ZNF562: variants seen among roughly 807,000 people sequenced by gnomAD.
ZNF562 encodes zinc finger protein 562.
In ZNF562, 13 loss-of-function variants were observed where a neutral mutation model predicts 17.5. That is an observed-to-expected ratio of 0.74 (90% CI 0.48 to 1.18). The LOEUF (loss-of-function observed/expected upper bound fraction) is 1.18, where lower values mean the gene tolerates loss of function less well. Among genes scored for constraint, ZNF562 ranks in the 50% most tolerant of loss-of-function variants. The pLI is 0.00. For missense variants in ZNF562, 481 were observed against 498.5 expected (o/e 0.96, Z 0.33); for synonymous variants, 163 against 165.4 (o/e 0.99, Z 0.11).
chr19:9,664,798 G>A (rs1341242338), intron 1 of ZNF562, among the ~76,000 whole-genome samples: 1 of 152,156 alleles, frequency 6.6e-6, no homozygotes, highest in African/African-American at 2.4e-5. Context: ...GGCCAAGGCG[G>A]GTGGATCATG....
At chr19:9,669,670 C>T (rs1397419149) in intron 1 of ZNF562, among the ~76,000 whole-genome samples, 1 of 149,832 alleles carries the variant, frequency 6.7e-6, no homozygotes, top group Non-Finnish European at 1.5e-5. Flanking sequence ...CATGCACGCA[C>T]AAAACCTGTC....
At position 9,645,875 on chromosome 19, in the gene ZNF562, CAT is replaced by C. The variant is rs1464902595; in HGVS notation, c.*7072_*7073del. The C allele has an allele frequency of 1.3e-5, 2 of 151,960 alleles. No homozygotes were observed. Among genetic ancestry groups the C allele is most frequent in the Non-Finnish European group, 2.9e-5 (2 of 67,984 alleles). 9.4% of individuals were successfully genotyped at this position (151,960 alleles called of 1,614,324 possible). On this transcript the variant is annotated 3_prime_UTR_variant, in exon 6 of 6. Transcript: ENST00000453372. The stretch of plus-strand genomic sequence containing the variant: ...TATTTATGGTAACAACGAAAAGTAA[CAT>C]ACAAATTTCAAACATCAAGAATAAA...
At chr19:9,673,736 T>C (rs1051612833) in intron 1 of ZNF562, among the ~76,000 whole-genome samples, 3 of 152,316 alleles carry the variant, frequency 2.0e-5, no homozygotes, top group South Asian at 2.1e-4. Flanking sequence ...TAAACAACTA[T>C]GTTTTTTCCA....
intron 1 of ZNF562, among the ~76,000 whole-genome samples, chr19:9,661,194 G>C (rs1405170234): frequency 1.3e-5 from 2 of 152,098 alleles, no homozygotes; most frequent in African/African-American, 4.8e-5. Context: ...CTGTTGCCCA[G>C]GTTTAAGTAC....
At position 9,660,821 on chromosome 19, in the gene ZNF562, T is replaced by C; in HGVS notation, c.-77A>G. 2 of 1,506,394 alleles carry C rather than the reference T, an allele frequency of 1.3e-6. No individual in the cohort carries two copies. The highest frequency in any genetic ancestry group is 1.8e-6 in the Non-Finnish European group (2 of 1,092,294). 93.3% of individuals were successfully genotyped at this position (1,506,394 alleles called of 1,614,324 possible). A position where few individuals can be genotyped will look rare whatever the true frequency, so the allele number is the denominator to read the frequency against. The stretch of plus-strand genomic sequence containing the variant: ...AGATCGCCTCAGGGCAGCTTATGAA[T>C]CTAGGTGGATACAGGCAATCTCCAT... On this transcript the variant is annotated 5_prime_UTR_variant, in exon 2 of 6. Transcript: ENST00000453372.
chr19:9,663,668 CT>C (rs1364552209), intron 1 of ZNF562, among the ~76,000 whole-genome samples: 4 of 151,366 alleles, frequency 2.6e-5, no homozygotes, highest in African/African-American at 7.3e-5. Flanking sequence ...AGCTATTGTT[CT>C]TTTTTTTCTT....
In ZNF562 at chr19:9,645,455, G is replaced by A. The variant is rs1049101532; in HGVS notation, c.*7494C>T. 1.1e-4 allele frequency: 17 copies of A among 152,110 alleles called. No individual in the cohort carries two copies. The highest frequency in any genetic ancestry group is 4.1e-4 in the African/African-American group (17 of 41,418). The allele number at this position is 152,110 out of a possible 1,614,324, so 9.4% of individuals were successfully genotyped here. On this transcript the variant is annotated 3_prime_UTR_variant, in exon 6 of 6. Coordinates refer to ENST00000453372, the MANE Select transcript of ZNF562 (RefSeq NM_001130031.2). The stretch of plus-strand genomic sequence containing the variant: ...GGGCAAAGGGGTATGTGTATCAGTT[G>A]GCCTTTACTGTGTAATAAACAGCCA...
chr19:9,670,732 T>C (rs920402916), intron 1 of ZNF562, among the ~76,000 whole-genome samples: 9 of 152,170 alleles, frequency 5.9e-5, no homozygotes, highest in African/African-American at 1.9e-4. Context: ...CTCATGCCTG[T>C]AATCCCAGCA....
At position 9,653,491 on chromosome 19, in the gene ZNF562, A is replaced by G. The variant is rs1266181190; in HGVS notation, c.739T>C (p.Leu247=). The G allele has an allele frequency of 2.5e-6, 4 of 1,614,072 alleles. No homozygotes were observed. The African/African-American group carries it at 5.3e-5, about 22-fold the overall frequency. ...CERAITTSSH[L]KQCVAVHTGK... ...GTATGAACTGCTACACACTGCTTTAAGTGTGAGGAAGTTGTGATGGCTCTC... is the reference window on the plus strand; with the variant it reads ...GTATGAACTGCTACACACTGCTTTAGGTGTGAGGAAGTTGTGATGGCTCTC... Residue 247 remains leucine (L), a synonymous_variant, in exon 6 of 6, where the codon TTA becomes CTA. Transcript: ENST00000453372.
chr19:9,665,818 C>G (rs183511372), intron 1 of ZNF562, among the ~76,000 whole-genome samples: 3 of 152,034 alleles, frequency 2.0e-5, no homozygotes, highest in Non-Finnish European at 2.9e-5. Flanking sequence ...AGTTCAAGAC[C>G]TGCCTGGGAA....
rs1375598542 is a variant in ZNF562 at position 9,659,467 on chromosome 19, C to A, written c.26G>T (p.Gly9Val). 6.4e-7 allele frequency: 1 copy of A among 1,550,712 alleles called. No homozygotes were observed. Among genetic ancestry groups the A allele is most frequent in the Admixed American group, 2.0e-5 (1 of 50,930 alleles). The change falls in exon 3 of 6, where the codon GGG (glycine) becomes GTG (valine). Residue 9 changes from glycine to valine, a missense_variant and splice_region_variant. Physicochemically the swap from Gly to Val is moderately radical, Grantham distance 109. Coordinates refer to ENST00000453372, the MANE Select transcript of ZNF562 (RefSeq NM_001130031.2). ...ACAGATTGGTTCCCTGGGAAAAAAC[C>A]CTAGTGGAAAAGTAAGAAGGCATGA... MSAFDMSH[G>V]FFPREPICPF...
rs997543095 is a variant in ZNF562 at position 9,642,330 on chromosome 19, T to G, written c.*10619A>C. The G allele has an allele frequency of 1.3e-5, 2 of 151,322 alleles. No homozygotes were observed. The highest frequency in any genetic ancestry group is 4.9e-5 in the African/African-American group (2 of 41,142). The allele number at this position is 151,322 out of a possible 1,614,324, so 9.4% of individuals were successfully genotyped here. On this transcript the variant is annotated 3_prime_UTR_variant, in exon 6 of 6. Coordinates refer to ENST00000453372, the MANE Select transcript of ZNF562 (RefSeq NM_001130031.2). ...CAGGGTTTCACTCTGTCACACAGGCTGAAGTATAGTGGCATTATCATGGCT... is the reference window on the plus strand; with the variant it reads ...CAGGGTTTCACTCTGTCACACAGGCGGAAGTATAGTGGCATTATCATGGCT...
intron 1 of ZNF562, among the ~76,000 whole-genome samples, chr19:9,669,259 C>CA (rs970513987): frequency 1.1e-4 from 17 of 151,376 alleles, no homozygotes; most frequent in Non-Finnish European, 2.2e-4. Context: ...AACTTGATAA[C>CA]AAAAAAAATC....
intron 1 of ZNF562, among the ~76,000 whole-genome samples, chr19:9,670,174 G>A (rs2044131733): frequency 6.6e-6 from 1 of 152,052 alleles, no homozygotes; most frequent in African/African-American, 2.4e-5. Flanking sequence ...AGGAAGTCAA[G>A]GCTGCAGTGA....
chr19:9,652,617 G>T lies in ZNF562; in HGVS notation c.*332C>A. On this transcript the variant is annotated 3_prime_UTR_variant, in exon 6 of 6. Coordinates refer to ENST00000453372, the MANE Select transcript of ZNF562 (RefSeq NM_001130031.2). ...CCCAGACTCAGGTAACCATGATGTT[G>T]TATTCAGAACCTGTAGGTTTAATTT... is the stretch of plus-strand genomic sequence containing the variant. 1 of 188,840 alleles carries T rather than the reference G, an allele frequency of 5.3e-6. No individual in the cohort carries two copies. The highest frequency in any genetic ancestry group is 1.1e-5 in the Non-Finnish European group (1 of 91,260). The allele number at this position is 188,840 out of a possible 1,614,324, so 11.7% of individuals were successfully genotyped here. A position where few individuals can be genotyped will look rare whatever the true frequency, so the allele number is the denominator to read the frequency against.
rs564213086 is a variant in ZNF562, at chr19:9,649,767, G to T, written c.*3182C>A. On this transcript the variant is annotated 3_prime_UTR_variant, in exon 6 of 6. Transcript: ENST00000453372. ...AATTTCACCTTGGTCCTGTGATCTC[G>T]CCCTGCCTCCACTTGCCTTGTGATA... 1 of 152,080 alleles carries T rather than the reference G, an allele frequency of 6.6e-6. No homozygotes were observed. Among genetic ancestry groups the T allele is most frequent in the African/African-American group, 2.4e-5 (1 of 41,410 alleles). The allele number at this position is 152,080 out of a possible 1,614,324, so 9.4% of individuals were successfully genotyped here. A position where few individuals can be genotyped will look rare whatever the true frequency, so the allele number is the denominator to read the frequency against.
Position 9,660,745 on chromosome 19 carries a change from C to T in ZNF562, c.-1G>A, listed in dbSNP as rs1489672929. ...CATGGGACATATCAAAGGCTGACAT[C>T]CTCTGAAGCTGATGGTGAGATGTGC... On this transcript the variant is annotated 5_prime_UTR_variant, in exon 2 of 6. Coordinates refer to ENST00000453372, the MANE Select transcript of ZNF562 (RefSeq NM_001130031.2). 6.2e-7 allele frequency: 1 copy of T among 1,613,424 alleles called. No individual in the cohort carries two copies. Among genetic ancestry groups the T allele is most frequent in the Non-Finnish European group, 8.5e-7 (1 of 1,179,720 alleles).
intron 1 of ZNF562, among the ~76,000 whole-genome samples, chr19:9,665,780 C>T (rs145407899): frequency 4.6e-5 from 7 of 151,914 alleles, no homozygotes; most frequent in East Asian, 1.9e-4. Flanking sequence ...TTTGGGAGGC[C>T]GACACAGGTG....
chr19:9,668,615 T>C (rs1025597990), intron 1 of ZNF562, among the ~76,000 whole-genome samples: 1 of 152,028 alleles, frequency 6.6e-6, no homozygotes, highest in African/African-American at 2.4e-5. Context: ...AAAAAAATCC[T>C]AAAATTTATA....
Sources: gnomAD v4.1 joint callset for allele counts (sites outside exome capture counted in the v4.1 genomes callset) on GRCh38, gnomAD v4.1.1 for gene constraint, MANE v1.5 for transcripts, NCBI Gene and HGNC (gene_info 2026-07-23, HGNC 2026-07-21) for gene names.